Variants in AGBL4 observed in about 807,000 individuals in gnomAD.
AGBL4 encodes cytosolic carboxypeptidase 6.
Under a neutral mutation model 66.4 loss-of-function variants are expected in AGBL4, and 58 were observed. The ratio of observed to expected loss-of-function variants is 0.87; its 90% CI spans 0.71 to 1.09. The LOEUF (loss-of-function observed/expected upper bound fraction) is 1.09, where lower values mean the gene tolerates loss of function less well. AGBL4 is among the 50% of genes least tolerant of loss of function. The probability of loss-of-function intolerance (pLI) is 0.00; values close to 1 mark genes in which losing one functional copy is unlikely to be tolerated. For missense variants in AGBL4, 579 were observed against 631.0 expected (o/e 0.92, Z 0.88); for synonymous variants, 234 against 222.9 (o/e 1.05, Z -0.44).
intron 3 of AGBL4, among the ~76,000 whole-genome samples, chr1:49,345,726 G>T (rs1299002607): frequency 6.6e-6 from 1 of 151,950 alleles, no homozygotes; most frequent in African/African-American, 2.4e-5. Flanking sequence ...ACAAAATTTG[G>T]GGCATATTTC....
chr1:49,023,780 ACTGT>A (rs1372249169), intron 5 of AGBL4, among the ~76,000 whole-genome samples: 5 of 152,114 alleles, frequency 3.3e-5, no homozygotes, highest in Non-Finnish European at 7.4e-5. Context: ...AGAATCCCAA[ACTGT>A]CTAACATCTA....
intron 13 of AGBL4, among the ~76,000 whole-genome samples, chr1:48,534,625 T>C (rs924413388): frequency 6.6e-6 from 1 of 152,166 alleles, no homozygotes; most frequent in African/African-American, 2.4e-5. Context: ...TTGTAACCCA[T>C]CAAGCTCTGA....
chr1:49,179,055 T>A (rs1443428491), intron 4 of AGBL4, among the ~76,000 whole-genome samples: 3 of 152,234 alleles, frequency 2.0e-5, no homozygotes, highest in Non-Finnish European at 4.4e-5. Flanking sequence ...TATGCTTTTT[T>A]AATTTTTCTC....
chr1:49,810,811 A>T (rs968614986), intron 2 of AGBL4, among the ~76,000 whole-genome samples: 10 of 152,142 alleles, frequency 6.6e-5, no homozygotes, highest in African/African-American at 2.4e-4. Context: ...GATATGATTA[A>T]ATCTATGCTT....
chr1:49,633,747 A>T (rs1645615659), intron 3 of AGBL4, among the ~76,000 whole-genome samples: 1 of 151,364 alleles, frequency 6.6e-6, no homozygotes, highest in African/African-American at 2.4e-5. Flanking sequence ...AATTAAAATC[A>T]AAGACAAATA....
chr1:49,282,646 G>A (rs575233660), intron 3 of AGBL4, among the ~76,000 whole-genome samples: 8 of 152,328 alleles, frequency 5.3e-5, no homozygotes, highest in Middle Eastern at 3.4e-3. Context: ...GACAGTGGGC[G>A]CAGGTCAGTA....
intron 3 of AGBL4, among the ~76,000 whole-genome samples, chr1:49,533,247 G>C (rs1364387939): frequency 6.6e-6 from 1 of 151,948 alleles, no homozygotes; most frequent in Non-Finnish European, 1.5e-5. Flanking sequence ...CTTTAATCTG[G>C]GTCCTGGACT....
chr1:49,900,499 C>T (rs1050041121), intron 1 of AGBL4, among the ~76,000 whole-genome samples: 7 of 152,148 alleles, frequency 4.6e-5, no homozygotes, highest in African/African-American at 7.2e-5. Flanking sequence ...CTGGCCTTAG[C>T]CTCCCAAAGT....
chr1:48,941,646 G>A (rs12127565), intron 5 of AGBL4, among the ~76,000 whole-genome samples: 13,123 of 152,182 alleles, frequency 0.086, 694 homozygotes, highest in East Asian at 0.17. Context: ...TGACAGGTAA[G>A]GGTACAGTGA....
chr1:49,573,146 CTGTGTGTGTGTGTG>C lies in AGBL4; in HGVS notation c.282+124153_282+124166del, dbSNP rs57980631. Among the ~76,000 whole-genome samples the C allele has an allele frequency of 1.1e-3, 144 of 136,680 alleles. 1 individual carries two copies. The highest frequency in any genetic ancestry group is 2.8e-3 in the Admixed American group (38 of 13,446). The allele number at this position is 136,680 out of a possible 152,430, so 89.7% of individuals were successfully genotyped here. On this transcript the variant is annotated intron_variant, in intron 3 of 13. Coordinates refer to ENST00000371839, the MANE Select transcript of AGBL4 (RefSeq NM_032785.4). ...TATATGTGTGTCTGTGTGTGTGTGT[CTGTGTGTGTGTGTG>C]TGTGTGTGTGTGTGTGTGTGTGTGT...
chr1:49,707,941 C>T (rs1647338171), intron 2 of AGBL4, among the ~76,000 whole-genome samples: 2 of 152,230 alleles, frequency 1.3e-5, no homozygotes, highest in Middle Eastern at 3.4e-3. Context: ...TGATGGGCTT[C>T]CTTGTGTAGG....
At chr1:48,975,687 G>T (rs183769570) in intron 5 of AGBL4, among the ~76,000 whole-genome samples, 1 of 152,032 alleles carries the variant, frequency 6.6e-6, no homozygotes, top group Non-Finnish European at 1.5e-5. Context: ...GTGATATAGC[G>T]GCATACAAGG....
chr1:49,942,835 T>C (rs1371078869), intron 1 of AGBL4, among the ~76,000 whole-genome samples: 1 of 152,018 alleles, frequency 6.6e-6, no homozygotes, highest in Non-Finnish European at 1.5e-5. Flanking sequence ...AATGGGATTG[T>C]ATCAAATCAA....
intron 3 of AGBL4, among the ~76,000 whole-genome samples, chr1:49,361,523 A>G (rs1380999073): frequency 6.6e-6 from 1 of 152,026 alleles, no homozygotes; most frequent in African/African-American, 2.4e-5. Context: ...ACAGAGTTTC[A>G]CCATGTTGTC....
intron 1 of AGBL4, among the ~76,000 whole-genome samples, chr1:49,887,440 T>C (rs1175173874): frequency 6.6e-6 from 1 of 151,954 alleles, no homozygotes; most frequent in Non-Finnish European, 1.5e-5. Context: ...AGATAAGTTG[T>C]TCTAAAATGA....
intron 3 of AGBL4, among the ~76,000 whole-genome samples, chr1:49,436,290 G>T (rs552548223): frequency 1.3e-5 from 2 of 152,180 alleles, no homozygotes; most frequent in Admixed American, 1.3e-4. Context: ...TAGGACAAAA[G>T]AGAAATGAAA....
At chr1:49,285,867 C>T (rs989656220) in intron 3 of AGBL4, among the ~76,000 whole-genome samples, 8 of 152,316 alleles carry the variant, frequency 5.3e-5, no homozygotes, top group African/African-American at 1.9e-4. Context: ...TTTGATGAGG[C>T]CAGCATCATT....
chr1:48,830,065 C>T (rs1003745137), intron 6 of AGBL4, among the ~76,000 whole-genome samples: 1 of 152,060 alleles, frequency 6.6e-6, no homozygotes, highest in Non-Finnish European at 1.5e-5. Context: ...GAAAAGAGGT[C>T]TTAATGATGC....
chr1:49,437,314 G>C (rs1645925320), intron 3 of AGBL4, among the ~76,000 whole-genome samples: 1 of 152,246 alleles, frequency 6.6e-6, no homozygotes, highest in South Asian at 2.1e-4. Context: ...ATAGAGCTTA[G>C]TTAGATTAAT....
Sources: allele counts gnomAD v4.1 joint callset (sites outside exome capture counted in the v4.1 genomes callset), GRCh38; gene constraint gnomAD v4.1.1; transcripts MANE v1.5; gene names NCBI Gene and HGNC (gene_info 2026-07-23, HGNC 2026-07-21).